GMDS: variants seen among roughly 807,000 people sequenced by gnomAD.
GMDS encodes the protein GDP-mannose 4,6 dehydratase.
GMDS carries 20 observed loss-of-function variants against 49.9 expected under a neutral mutation model. The observed-to-expected ratio is 0.40, with a 90% CI of 0.28 to 0.58. GMDS has a LOEUF of 0.58. Among genes scored for constraint, GMDS ranks in the 20% least tolerant of loss-of-function variants. GMDS has a pLI of 0.42. For missense variants in GMDS, 362 were observed against 481.4 expected, an observed-to-expected ratio of 0.75 and a Z score of 2.32; for synonymous variants, 177 against 178.6, an observed-to-expected ratio of 0.99 and a Z score of 0.07.
chr6:1,967,047 T>A (rs2628454), intron 4 of GMDS, among the ~76,000 whole-genome samples: 4 of 151,922 alleles, frequency 2.6e-5, no homozygotes, highest in East Asian at 1.9e-4. Context: ...GCCACCCTGC[T>A]GTCCTAGTCT....
intron 4 of GMDS, among the ~76,000 whole-genome samples, chr6:2,092,178 C>A (rs76633488): frequency 3.3e-5 from 5 of 152,174 alleles, no homozygotes; most frequent in African/African-American, 1.2e-4. Flanking sequence ...CTGCTACGAC[C>A]GGTTAGTAGT....
intron 1 of GMDS, among the ~76,000 whole-genome samples, chr6:2,141,196 C>T (rs1313303087): frequency 6.6e-6 from 1 of 152,182 alleles, no homozygotes; most frequent in Non-Finnish European, 1.5e-5. Flanking sequence ...ATCAGGTCAA[C>T]AGGAAGCTGC....
At chr6:2,162,709 C>CACAA (rs1777466235) in intron 1 of GMDS, among the ~76,000 whole-genome samples, 1 of 132,926 alleles carries the variant, frequency 7.5e-6, no homozygotes, top group African/African-American at 2.8e-5. Context: ...CACACACACA[C>CACAA]AAAACTTTCC....
intron 4 of GMDS, among the ~76,000 whole-genome samples, chr6:1,999,252 T>G (rs1766498970): frequency 6.7e-6 from 1 of 148,666 alleles, no homozygotes; most frequent in Non-Finnish European, 1.5e-5. Context: ...AACCAGGGAG[T>G]TGGAGGCTGC....
intron 1 of GMDS, among the ~76,000 whole-genome samples, chr6:2,174,748 T>C (rs1030370426): frequency 6.6e-6 from 1 of 152,064 alleles, no homozygotes; most frequent in Non-Finnish European, 1.5e-5. Context: ...TTTGTATTTT[T>C]AGTAGAGACG....
intron 6 of GMDS, among the ~76,000 whole-genome samples, chr6:1,931,565 G>T (rs1762286292): frequency 6.6e-6 from 1 of 152,142 alleles, no homozygotes. Context: ...AAAAAAAAGT[G>T]CCTTTCGAAA....
Position 1,635,091 on chromosome 6 carries a change from G to A in GMDS, c.988-10551C>T, listed in dbSNP as rs1300047462. 1.3e-5 allele frequency among the ~76,000 whole-genome samples: 2 copies of A among 152,118 alleles called. No homozygotes were observed. Among genetic ancestry groups the A allele is most frequent in the Non-Finnish European group, 2.9e-5 (2 of 68,028 alleles). The stretch of plus-strand genomic sequence containing the variant: ...CATTACGTGTCATCTCCTTTTTCAC[G>A]ATTTCAAGATTAGAGAACAGGGACT... On this transcript the variant is annotated intron_variant, in intron 9 of 10. Transcript: ENST00000380815. This position sits in a 1 kb window ranked among gnomAD's most constrained non-coding sequence, Gnocchi z 4.7.
chr6:1,755,976 C>A (rs1767924315), intron 7 of GMDS, among the ~76,000 whole-genome samples: 1 of 152,174 alleles, frequency 6.6e-6, no homozygotes, highest in Non-Finnish European at 1.5e-5. Context: ...AACAGGCAAC[C>A]TACAGAATGG....
chr6:2,133,182 C>T (rs1379081481), intron 1 of GMDS, among the ~76,000 whole-genome samples: 2 of 151,828 alleles, frequency 1.3e-5, no homozygotes, highest in Non-Finnish European at 2.9e-5. Context: ...CAAGGCCATG[C>T]TTAATGAAAA....
At chr6:1,674,714 A>AT (rs34312038) in intron 9 of GMDS, among the ~76,000 whole-genome samples, 1,778 of 142,674 alleles carry the variant, frequency 0.012, 17 homozygotes, top group Non-Finnish European at 0.018. Flanking sequence ...CACCCAGCTA[A>AT]TTTTTTTTTT....
Position 2,024,773 on chromosome 6 carries a change from AATAAGT to A in GMDS, c.346-63813_346-63808del, listed in dbSNP as rs935130745. On this transcript the variant is annotated intron_variant, in intron 4 of 10. Transcript: ENST00000380815. ...AACTCATCTTTATATCAATAACAGC[AATAAGT>A]ATAAGTGCATTATTACCTATAAAAG... is the stretch of plus-strand genomic sequence containing the variant. Among the ~76,000 whole-genome samples the A allele has an allele frequency of 6.6e-4, 100 of 152,192 alleles. 2 individuals are homozygous for A. Among genetic ancestry groups the A allele is most frequent in the African/African-American group, 2.2e-3 (92 of 41,582 alleles).
intron 7 of GMDS, among the ~76,000 whole-genome samples, chr6:1,909,818 T>C (rs1290185677): frequency 6.6e-6 from 1 of 151,470 alleles, no homozygotes; most frequent in Non-Finnish European, 1.5e-5. Context: ...TCCATCAAGA[T>C]GGCATCACAG....
At chr6:1,955,375 G>C (rs1349158018) in intron 6 of GMDS, among the ~76,000 whole-genome samples, 1 of 152,060 alleles carries the variant, frequency 6.6e-6, no homozygotes, top group Non-Finnish European at 1.5e-5. Flanking sequence ...AAAGCACCTG[G>C]TTAATGTCTG....
intron 7 of GMDS, among the ~76,000 whole-genome samples, chr6:1,871,607 C>T (rs532506867): frequency 5.9e-5 from 9 of 152,070 alleles, no homozygotes; most frequent in Non-Finnish European, 8.8e-5. Context: ...GTTCATCTAC[C>T]AATTTTATAA....
intron 6 of GMDS, among the ~76,000 whole-genome samples, chr6:1,952,345 A>G (rs1377530423): frequency 6.6e-6 from 1 of 152,212 alleles, no homozygotes; most frequent in Non-Finnish European, 1.5e-5. Flanking sequence ...CAGATAAAAA[A>G]TTTGTAAGTT....
chr6:1,768,006 C>G (rs1023039037), intron 7 of GMDS, among the ~76,000 whole-genome samples: 7 of 151,950 alleles, frequency 4.6e-5, no homozygotes, highest in Non-Finnish European at 1.0e-4. Flanking sequence ...CTGACCAAAC[C>G]CTAGTTTCAT....
At chr6:2,068,976 A>G (rs1018142479) in intron 4 of GMDS, among the ~76,000 whole-genome samples, 1 of 152,220 alleles carries the variant, frequency 6.6e-6, no homozygotes. Context: ...CTAAGTCAAA[A>G]GAACAAAGCT....
At chr6:2,162,680 A>G (rs909217200) in intron 1 of GMDS, among the ~76,000 whole-genome samples, 3 of 127,188 alleles carry the variant, frequency 2.4e-5, no homozygotes, top group Non-Finnish European at 4.5e-5. Context: ...ACACACACAC[A>G]CACACACACA....
intron 9 of GMDS, among the ~76,000 whole-genome samples, chr6:1,668,387 A>G (rs1284244923): frequency 6.6e-6 from 1 of 152,242 alleles, no homozygotes; most frequent in East Asian, 1.9e-4. Context: ...TGTAGATTAT[A>G]AAAATTAGGT....
Sources: gnomAD v4.1 joint callset for allele counts (sites outside exome capture counted in the v4.1 genomes callset) on GRCh38, gnomAD v4.1.1 for gene constraint, Gnocchi (gnomAD v3.1) non-coding constraint, MANE v1.5 for transcripts, NCBI Gene and HGNC (gene_info 2026-07-23, HGNC 2026-07-21) for gene names.